The following SLC22A25 variants were observed in gnomAD, a reference collection of about 807,000 sequenced individuals.
The protein encoded by SLC22A25 is solute carrier family 22 member 25.
Under a neutral mutation model 45.9 loss-of-function variants are expected in SLC22A25, and 44 were observed. The ratio of observed to expected loss-of-function variants is 0.96; its 90% CI spans 0.75 to 1.23. The LOEUF (loss-of-function observed/expected upper bound fraction) is 1.23. Among genes scored for constraint, SLC22A25 ranks in the 50% most tolerant of loss-of-function variants. The pLI, the probability that SLC22A25 is intolerant of heterozygous loss-of-function variation, is 0.00. For synonymous variants in SLC22A25, 283 were observed against 238.6 expected (o/e 1.19, Z -1.72); for missense variants, 800 against 666.4 (o/e 1.20, Z -2.21).
intron 9 of SLC22A25, among the ~76,000 whole-genome samples, chr11:63,176,006 C>A (rs1438440415): frequency 6.6e-6 from 1 of 151,924 alleles, no homozygotes; most frequent in Admixed American, 6.6e-5. Flanking sequence ...TCTTTGTCAC[C>A]CCCACAAAGA....
At chr11:63,178,522 ATATCT>A (rs2088202015) in intron 9 of SLC22A25, among the ~76,000 whole-genome samples, 1 of 151,764 alleles carries the variant, frequency 6.6e-6, no homozygotes, top group African/African-American at 2.4e-5. Context: ...GGGTGAAATA[ATATCT>A]TATTGTGGTT....
chr11:63,202,371 C>T (rs1263534146), intron 7 of SLC22A25, among the ~76,000 whole-genome samples: 2 of 152,134 alleles, frequency 1.3e-5, no homozygotes, highest in African/African-American at 4.8e-5. Flanking sequence ...AGATCCCACC[C>T]CCATGGAGCC....
At chr11:63,193,998 T>G (rs2134760526) in intron 7 of SLC22A25, among the ~76,000 whole-genome samples, 1 of 152,158 alleles carries the variant, frequency 6.6e-6, no homozygotes, top group Non-Finnish European at 1.5e-5. Context: ...AACCATGGCA[T>G]GAGAACTACG....
At chr11:63,181,955 TGA>T (rs2134735336) in intron 8 of SLC22A25, among the ~76,000 whole-genome samples, 1 of 152,146 alleles carries the variant, frequency 6.6e-6, no homozygotes, top group East Asian at 1.9e-4. Context: ...GCATAGGAGA[TGA>T]ATGTTACGTA....
At position 63,160,547 on chromosome 11, in the gene SLC22A25, T is replaced by G. The variant is rs1443153315; in HGVS notation, c.*3277A>C. On this transcript the variant is annotated 3_prime_UTR_variant, in exon 12 of 12. Transcript: ENST00000306494. ...GGGGTCCTCATGGAGAACCTCTGCT[T>G]GGGCGGTGTGAAAGGAAGATGTGGG... Among the ~76,000 whole-genome samples the G allele has an allele frequency of 6.6e-6, 1 of 152,096 alleles. No individual in the cohort carries two copies. Among genetic ancestry groups the G allele is most frequent in the Non-Finnish European group, 1.5e-5 (1 of 68,000 alleles).
chr11:63,211,297 T>C (rs2089552860), intron 7 of SLC22A25, among the ~76,000 whole-genome samples: 1 of 152,180 alleles, frequency 6.6e-6, no homozygotes, highest in African/African-American at 2.4e-5. Flanking sequence ...CCTCCTGGAA[T>C]ACTCCTCTGC....
At chr11:63,232,645 C>A (rs552110478) in intron 3 of SLC22A25, among the ~76,000 whole-genome samples, 1 of 152,248 alleles carries the variant, frequency 6.6e-6, no homozygotes, top group South Asian at 2.1e-4. Context: ...TGCCTGATTG[C>A]CCTGGCCAGA....
At chr11:63,187,577 C>G (rs961500937) in intron 7 of SLC22A25, among the ~76,000 whole-genome samples, 2 of 152,176 alleles carry the variant, frequency 1.3e-5, no homozygotes, top group African/African-American at 4.8e-5. Flanking sequence ...ACTTCCAACA[C>G]TATGTTGAAT....
At chr11:63,179,239 G>A (rs2088230946) in intron 9 of SLC22A25, among the ~76,000 whole-genome samples, 1 of 152,162 alleles carries the variant, frequency 6.6e-6, no homozygotes, top group Non-Finnish European at 1.5e-5. Flanking sequence ...TTACAGGCAT[G>A]AGCCACTGTG....
intron 7 of SLC22A25, among the ~76,000 whole-genome samples, chr11:63,191,182 C>T (rs1045053456): frequency 2.3e-4 from 35 of 152,322 alleles, no homozygotes; most frequent in African/African-American, 7.9e-4. Context: ...CCTCAAGCTG[C>T]GGTGGGCTCC....
intron 9 of SLC22A25, among the ~76,000 whole-genome samples, chr11:63,175,978 A>C (rs766142332): frequency 6.6e-6 from 1 of 152,042 alleles, no homozygotes; most frequent in African/African-American, 2.4e-5. Flanking sequence ...TGAAGAAACT[A>C]TCTTTTTCTA....
intron 1 of SLC22A25, among the ~76,000 whole-genome samples, chr11:63,241,548 A>C (rs1031845022): frequency 6.6e-6 from 1 of 152,098 alleles, no homozygotes; most frequent in Admixed American, 6.5e-5. Flanking sequence ...TGGAGCTCCT[A>C]GTCTCTGTAT....
chr11:63,224,913 C>T (rs1177452608), intron 5 of SLC22A25, among the ~76,000 whole-genome samples: 1 of 152,102 alleles, frequency 6.6e-6, no homozygotes, highest in Non-Finnish European at 1.5e-5. Context: ...TCCTGGCTAA[C>T]ACGGTGAAAC....
Position 63,162,522 on chromosome 11 carries a change from G to T in SLC22A25, c.*1302C>A, listed in dbSNP as rs1380266408. 1.3e-5 allele frequency among the ~76,000 whole-genome samples: 2 copies of T among 152,000 alleles called. No individual in the cohort carries two copies. The highest frequency in any genetic ancestry group is 2.9e-5 in the Non-Finnish European group (2 of 67,986). Reference sequence around the variant, plus strand: ...AACTATTTTTTATGTTCTTATAAAAGTATGCAGCTTGAAAATGAGGTTTTT... The same window carrying T: ...AACTATTTTTTATGTTCTTATAAAATTATGCAGCTTGAAAATGAGGTTTTT... On this transcript the variant is annotated 3_prime_UTR_variant, in exon 12 of 12. Transcript: ENST00000306494.
intron 7 of SLC22A25, among the ~76,000 whole-genome samples, chr11:63,202,929 G>A (rs955359555): frequency 6.6e-6 from 1 of 152,186 alleles, no homozygotes; most frequent in Non-Finnish European, 1.5e-5. Flanking sequence ...TCTGGCAGGT[G>A]CCCCTCTGGG....
Position 63,180,683 on chromosome 11 carries a change from T to G in SLC22A25, c.1047A>C (p.Arg349Ser), listed in dbSNP as rs908600816. Residue 349 changes from arginine to serine, a missense_variant, in exon 9 of 12, where the codon AGA (arginine) becomes AGC (serine). Transcript: ENST00000306494. ...ELLRIPNICKRICFLSFVRFA... is the reference protein window; with the variant it reads ...ELLRIPNICKSICFLSFVRFA... ...ACCTCACAAAGGACAGGAAACAGAT[T>G]CTTTTACATATGTTGGGTATGCGGA... The G allele has an allele frequency of 6.2e-7, 1 of 1,612,500 alleles. No individual in the cohort carries two copies. Among genetic ancestry groups the G allele is most frequent in the African/African-American group, 1.3e-5 (1 of 74,878 alleles).
intron 7 of SLC22A25, among the ~76,000 whole-genome samples, chr11:63,205,708 C>T (rs1158280389): frequency 6.6e-6 from 1 of 152,136 alleles, no homozygotes; most frequent in African/African-American, 2.4e-5. Flanking sequence ...GATTTACAGC[C>T]GAATTCTACC....
rs2087560456 is a variant in SLC22A25 at position 63,162,954 on chromosome 11, G to A, written c.*870C>T. On this transcript the variant is annotated 3_prime_UTR_variant, in exon 12 of 12. Transcript: ENST00000306494. ...GGTATCTTCCTGCCCTGCTTTTCTG[G>A]AGCATCTTCTCCTGGTGCAAATATA... Among the ~76,000 whole-genome samples, 1 of 152,008 alleles carries A rather than the reference G, an allele frequency of 6.6e-6. No individual in the cohort carries two copies.
At chr11:63,230,985 AT>A in intron 3 of SLC22A25, among the ~76,000 whole-genome samples, 1 of 152,196 alleles carries the variant, frequency 6.6e-6, no homozygotes, top group East Asian at 1.9e-4. Flanking sequence ...TGAACTCATC[AT>A]TTTTTATGGC....
Sources: gnomAD v4.1 joint callset for allele counts (sites outside exome capture counted in the v4.1 genomes callset) on GRCh38, gnomAD v4.1.1 for gene constraint, MANE v1.5 for transcripts, NCBI Gene and HGNC (gene_info 2026-07-23, HGNC 2026-07-21) for gene names.